NFIB: variants seen among roughly 807,000 people sequenced by gnomAD.
NFIB encodes the protein nuclear factor I B, also known as nuclear factor 1 B-type.
Under a neutral mutation model 61.5 loss-of-function variants are expected in NFIB, and 11 were observed. The ratio of observed to expected loss-of-function variants is 0.18; its 90% CI spans 0.11 to 0.30. The LOEUF is 0.30. Ranked by LOEUF, NFIB falls within the 10% of genes least tolerant of loss-of-function variation. The probability of loss-of-function intolerance (pLI) is 1.00; values close to 1 mark genes in which losing one functional copy is unlikely to be tolerated. For missense variants in NFIB, 471 were observed against 608.9 expected (o/e 0.77, Z 2.38); for synonymous variants, 260 against 216.5 (o/e 1.20, Z -1.76).
intron 2 of NFIB, among the ~76,000 whole-genome samples, chr9:14,201,641 T>C (rs960126219): frequency 2.0e-5 from 3 of 152,328 alleles, no homozygotes; most frequent in East Asian, 3.9e-4. Flanking sequence ...TGGTTGTTTA[T>C]ACATTACTTC....
the NFIB span, among the ~76,000 whole-genome samples, chr9:14,506,670 CT>C: frequency 6.6e-6 from 1 of 152,068 alleles, no homozygotes; most frequent in Non-Finnish European, 1.5e-5. Context: ...CTCACCTTTC[CT>C]TTTTCTCATT....
At chr9:14,348,882 C>A (rs1042731611) in intron 1 of NFIB, among the ~76,000 whole-genome samples, 2 of 152,252 alleles carry the variant, frequency 1.3e-5, no homozygotes, top group Non-Finnish European at 2.9e-5. Context: ...ACGAAGCTTG[C>A]GCCTTCATGC....
chr9:14,531,027 C>T, the NFIB span, among the ~76,000 whole-genome samples: 12 of 152,170 alleles, frequency 7.9e-5, no homozygotes, highest in Non-Finnish European at 7.4e-5. Flanking sequence ...ATTCTTGTCA[C>T]GACTATTGCA....
At chr9:14,484,636 C>T in the NFIB span, among the ~76,000 whole-genome samples, 1 of 152,148 alleles carries the variant, frequency 6.6e-6, no homozygotes, top group African/African-American at 2.4e-5. Flanking sequence ...TCCTGGATGG[C>T]CATTTGCTTT....
At chr9:14,175,610 C>T (rs1180329773) in intron 3 of NFIB, among the ~76,000 whole-genome samples, 1 of 152,160 alleles carries the variant, frequency 6.6e-6, no homozygotes, top group Non-Finnish European at 1.5e-5. Context: ...ACTTGAGGTA[C>T]ACCCAATATA....
chr9:14,289,081 C>CGTGTGTGTGTGTGT (rs58218572), intron 2 of NFIB, among the ~76,000 whole-genome samples: 57 of 142,404 alleles, frequency 4.0e-4, no homozygotes, highest in African/African-American at 1.4e-3. Flanking sequence ...TTTTCCAAAG[C>CGTGTGTGTGTGTGT]GTGTGTGTGT....
At chr9:14,423,415 T>C in the NFIB span, among the ~76,000 whole-genome samples, 1 of 152,242 alleles carries the variant, frequency 6.6e-6, no homozygotes, top group Admixed American at 6.5e-5. Flanking sequence ...CTGATTTTTT[T>C]CTTTATGAGT....
At chr9:14,260,712 T>C (rs576624337) in intron 2 of NFIB, among the ~76,000 whole-genome samples, 2 of 152,320 alleles carry the variant, frequency 1.3e-5, no homozygotes, top group South Asian at 2.1e-4. Context: ...TGTAGAATCT[T>C]GCAGGATAGC....
intron 7 of NFIB, among the ~76,000 whole-genome samples, chr9:14,123,909 G>C (rs1350392957): frequency 6.6e-6 from 1 of 151,830 alleles, no homozygotes; most frequent in Admixed American, 6.6e-5. Context: ...TTCCTAGTTT[G>C]TTGTTCCTTC....
chr9:14,196,286 G>A (rs2048460397), intron 2 of NFIB, among the ~76,000 whole-genome samples: 1 of 152,012 alleles, frequency 6.6e-6, no homozygotes, highest in Non-Finnish European at 1.5e-5. Flanking sequence ...GGGTTAAAGT[G>A]AAAAAATATG....
intron 2 of NFIB, 48 bp from the exon 3 acceptor site, chr9:14,179,828 G>C (rs1468187951): frequency 8.2e-6 from 13 of 1,592,652 alleles, no homozygotes; most frequent in Non-Finnish European, 9.4e-6. Flanking sequence ...TGTTTTGAAA[G>C]AATTTCACAA....
intron 3 of NFIB, among the ~76,000 whole-genome samples, chr9:14,158,437 CT>C (rs1287480326): frequency 2.0e-5 from 3 of 152,198 alleles, no homozygotes; most frequent in African/African-American, 7.2e-5. Context: ...TAATTTTATA[CT>C]TTGTACTTTC....
rs767320410 is a variant in NFIB, at chr9:14,083,782, T to C, written c.*4527A>G. 15 of 226,526 alleles carry C rather than the reference T, an allele frequency of 6.6e-5. No homozygotes were observed. Among genetic ancestry groups the C allele is most frequent in the Non-Finnish European group, 9.7e-5 (11 of 113,646 alleles). The allele number at this position is 226,526 out of a possible 1,614,324, so 14.0% of individuals were successfully genotyped here. A position where few individuals can be genotyped will look rare whatever the true frequency, so the allele number is the denominator to read the frequency against. ...TGAAGATGTCCCTGTGCAATCTCTTTCGTTGAGTCCTTATGAAGCTACAAG... is the reference window on the plus strand; with the variant it reads ...TGAAGATGTCCCTGTGCAATCTCTTCCGTTGAGTCCTTATGAAGCTACAAG... On this transcript the variant is annotated 3_prime_UTR_variant, in exon 11 of 11. Coordinates refer to ENST00000380953, the MANE Select transcript of NFIB (RefSeq NM_001190737.2).
rs548787806 is a variant in NFIB, at chr9:14,381,284, TG to T, written c.108+17239del. On this transcript the variant is annotated intron_variant, in intron 1 of 8. Coordinates refer to the NFIB transcript ENST00000380934. The stretch of plus-strand genomic sequence containing the variant: ...TTGGCTTATTGCAACCTCCACCTCC[TG>T]GGCTCAAGCAATCCTCCCACCTCAG... Among the ~76,000 whole-genome samples the T allele has an allele frequency of 4.7e-3, 715 of 152,010 alleles. 2 individuals carry two copies. The highest frequency in any genetic ancestry group is 7.8e-3 in the Non-Finnish European group (530 of 67,986).
At chr9:14,292,859 A>C (rs370601331) in intron 2 of NFIB, among the ~76,000 whole-genome samples, 1 of 152,244 alleles carries the variant, frequency 6.6e-6, no homozygotes, top group Non-Finnish European at 1.5e-5. Context: ...TTCAAAGTAC[A>C]TTAAGTAAAA....
chr9:14,431,001 G>A, the NFIB span, among the ~76,000 whole-genome samples: 1 of 152,126 alleles, frequency 6.6e-6, no homozygotes, highest in Non-Finnish European at 1.5e-5. Context: ...ATATGGGCAT[G>A]GAAATAATGG....
intron 1 of NFIB, among the ~76,000 whole-genome samples, chr9:14,330,509 T>G (rs2060808312): frequency 6.6e-6 from 1 of 152,234 alleles, no homozygotes; most frequent in Non-Finnish European, 1.5e-5. Flanking sequence ...ATCCATTCTA[T>G]GAAAATAACA....
At chr9:14,233,594 A>G (rs1474752051) in intron 2 of NFIB, among the ~76,000 whole-genome samples, 1 of 151,954 alleles carries the variant, frequency 6.6e-6, no homozygotes, top group African/African-American at 2.4e-5. Context: ...ACGCCCAGCT[A>G]ATTTTTGTAT....
chr9:14,251,634 C>A (rs1160973809), intron 2 of NFIB, among the ~76,000 whole-genome samples: 1 of 152,226 alleles, frequency 6.6e-6, no homozygotes, highest in African/African-American at 2.4e-5. Flanking sequence ...GTCACATACA[C>A]ACCAAGGCTC....
Sources: gnomAD v4.1 joint callset for allele counts (sites outside exome capture counted in the v4.1 genomes callset) on GRCh38, gnomAD v4.1.1 for gene constraint, MANE v1.5 for transcripts, NCBI Gene and HGNC (gene_info 2026-07-23, HGNC 2026-07-21) for gene names.